CHAF1B: variants seen among roughly 807,000 people sequenced by gnomAD.
The protein encoded by CHAF1B is CAF-1 subunit B.
Under a neutral mutation model 60.7 loss-of-function variants are expected in CHAF1B, and 10 were observed. The ratio of observed to expected loss-of-function variants is 0.16; its 90% confidence interval spans 0.10 to 0.28. The LOEUF is 0.28. CHAF1B is among the 10% of genes least tolerant of loss of function. CHAF1B has a pLI of 1.00. For synonymous variants in CHAF1B, 261 were observed against 266.1 expected (o/e 0.98, Z 0.19); for missense variants, 558 against 708.4 (o/e 0.79, Z 2.41).
At chr21:36,411,405 CA>C in intron 10 of CHAF1B, 57 bp from the exon 11 acceptor site, 1 of 1,603,216 alleles carries the variant, frequency 6.2e-7, no homozygotes. Context: ...TGAGCCATTG[CA>C]CCTGGTCAGA....
intron 8 of CHAF1B, among the ~76,000 whole-genome samples, chr21:36,403,649 A>C (rs577637670): frequency 6.6e-6 from 1 of 152,292 alleles, no homozygotes; most frequent in South Asian, 2.1e-4. Flanking sequence ...TGGAAGCAGC[A>C]GTGGTCAAAA....
At chr21:36,409,487 T>G (rs913355853) in intron 10 of CHAF1B, 22 bp downstream of exon 10, 9 of 1,579,998 alleles carry the variant, frequency 5.7e-6, no homozygotes, top group Non-Finnish European at 7.8e-6. Flanking sequence ...GCCTCAGGGG[T>G]GTGTTATGTT....
At chr21:36,399,381 CCA>C (rs1280182169) in intron 6 of CHAF1B, 138 bp from the exon 7 acceptor site, 2 of 687,440 alleles carry the variant, frequency 2.9e-6, no homozygotes, top group African/African-American at 3.6e-5. Flanking sequence ...TCTTAATTAC[CCA>C]GTTGTGAATA....
rs1042344464 is a variant in CHAF1B at position 36,396,444 on chromosome 21, C to T, written c.482-971C>T. On this transcript the variant is annotated intron_variant, in intron 5 of 13. Transcript: ENST00000314103. ...ATCCCAGCACTTTGGGAGGATTGCT[C>T]AAGCCTAGGAATTCAAGACCAGCAT... is the stretch of plus-strand genomic sequence containing the variant. Among the ~76,000 whole-genome samples, 4 of 148,258 alleles carry T rather than the reference C, an allele frequency of 2.7e-5. No homozygotes were observed. The South Asian group carries it at 8.6e-4, about 32-fold the overall frequency.
intron 11 of CHAF1B, 40 bp downstream of exon 11, chr21:36,411,644 C>T (rs370748276): frequency 9.3e-6 from 15 of 1,608,874 alleles, no homozygotes; most frequent in South Asian, 3.3e-5. Context: ...TGAAGGAGAC[C>T]GTGGCTGTAT....
chr21:36,399,117 C>T (rs1038181858), intron 6 of CHAF1B, among the ~76,000 whole-genome samples: 2 of 151,708 alleles, frequency 1.3e-5, no homozygotes, highest in African/African-American at 2.4e-5. Flanking sequence ...GCACTGCAAC[C>T]TCTGCCTCCC....
Position 36,413,060 on chromosome 21 carries a change from C to T in CHAF1B, c.1238C>T (p.Pro413Leu), listed in dbSNP as rs1487303315. 8.7e-6 allele frequency: 14 copies of T among 1,614,008 alleles called. No homozygotes were observed. The highest frequency in any genetic ancestry group is 1.2e-5 in the Non-Finnish European group (14 of 1,180,038). Reference sequence around the variant, plus strand: ...ACACATCGAGGGTCTTCGCCAGGACCCAGACCGGTAGAGGGAACCCCTGCC... The same window carrying T: ...ACACATCGAGGGTCTTCGCCAGGACTCAGACCGGTAGAGGGAACCCCTGCC... ...SQTHRGSSPG[P>L]RPVEGTPASR... Residue 413 changes from proline to leucine, a missense_variant, in exon 12 of 14, where the codon CCC becomes CTC. By Grantham distance (98) the Pro-to-Leu change is moderately conservative (BLOSUM62 -3). Transcript: ENST00000314103.
At chr21:36,396,607 C>T (rs1175267454) in intron 5 of CHAF1B, among the ~76,000 whole-genome samples, 3 of 150,214 alleles carry the variant, frequency 2.0e-5, no homozygotes, top group South Asian at 2.1e-4. Context: ...TGAGCTCTGA[C>T]GGCGCCACTG....
Position 36,409,248 on chromosome 21 carries a change from GCCT to G in CHAF1B, c.828-117_828-115del, listed in dbSNP as rs558570635. ...ACTCCTGACCTCAGGTGATCCGCCT[GCCT>G]CCTCCTCCCAAAGTGCTGGGTTTAT... is the stretch of plus-strand genomic sequence containing the variant. On this transcript the variant is annotated intron_variant, in intron 9 of 13. Transcript: ENST00000314103. 687 of 620,828 alleles carry G rather than the reference GCCT, an allele frequency of 1.1e-3. 2 individuals are homozygous for G. The African/African-American group carries it at 0.012, about 11-fold the overall frequency. 38.5% of individuals were successfully genotyped at this position (620,828 alleles called of 1,614,324 possible). A position where few individuals can be genotyped will look rare whatever the true frequency, so the allele number is the denominator to read the frequency against.
chr21:36,403,408 G>A (rs1308627538), intron 8 of CHAF1B, among the ~76,000 whole-genome samples: 2 of 124,806 alleles, frequency 1.6e-5, no homozygotes, highest in African/African-American at 3.0e-5. Flanking sequence ...AGTGAGCCGA[G>A]ATCACACCAC....
At position 36,390,053 on chromosome 21, in the gene CHAF1B, G is replaced by C. The variant is rs559255958; in HGVS notation, c.260-1498G>C. On this transcript the variant is annotated intron_variant, in intron 3 of 13. Coordinates refer to ENST00000314103, the MANE Select transcript of CHAF1B (RefSeq NM_005441.3). Reference sequence around the variant, plus strand: ...CGGTTAACTTAGCATGGGAATGCAGGCTGGGTGCGGTGGCTCACGCCTGTA... The same window carrying C: ...CGGTTAACTTAGCATGGGAATGCAGCCTGGGTGCGGTGGCTCACGCCTGTA... 5.3e-5 allele frequency among the ~76,000 whole-genome samples: 8 copies of C among 152,096 alleles called. No individual in the cohort carries two copies. The East Asian group carries it at 1.5e-3, about 29-fold the overall frequency.
intron 8 of CHAF1B, among the ~76,000 whole-genome samples, chr21:36,403,147 G>A (rs1299083169): frequency 1.3e-5 from 2 of 151,922 alleles, no homozygotes; most frequent in African/African-American, 4.8e-5. Flanking sequence ...AAAATGATAG[G>A]CATTTTCTCT....
At chr21:36,414,878 G>T (rs1312566503) in intron 12 of CHAF1B, among the ~76,000 whole-genome samples, 2 of 152,190 alleles carry the variant, frequency 1.3e-5, no homozygotes, top group Non-Finnish European at 2.9e-5. Context: ...CCGCCAAAGT[G>T]CTGGGATTAC....
At chr21:36,395,793 T>C (rs968508333) in intron 5 of CHAF1B, among the ~76,000 whole-genome samples, 3 of 152,210 alleles carry the variant, frequency 2.0e-5, no homozygotes, top group Non-Finnish European at 4.4e-5. Flanking sequence ...TTTTATCCCC[T>C]GCCATCCTTT....
chr21:36,389,800 T>TGTGTGTGTGTGCGCGCGCGCGCGC, intron 3 of CHAF1B, among the ~76,000 whole-genome samples: 8 of 124,800 alleles, frequency 6.4e-5, no homozygotes, highest in African/African-American at 2.1e-4. Flanking sequence ...TGTGTGTGTG[T>TGTGTGTGTGTGCGCGCGCGCGCGC]GCGCGCGCAC....
chr21:36,408,442 A>G (rs2086253688), intron 8 of CHAF1B, among the ~76,000 whole-genome samples: 1 of 152,216 alleles, frequency 6.6e-6, no homozygotes, highest in South Asian at 2.1e-4. Flanking sequence ...CGGTGCTTCA[A>G]TCGAGGAATT....
At chr21:36,403,551 G>A (rs11088346) in intron 8 of CHAF1B, among the ~76,000 whole-genome samples, 9,889 of 150,764 alleles carry the variant, frequency 0.066, 460 homozygotes, top group Non-Finnish European at 0.099. Context: ...AAGCCATAGC[G>A]CTAAAGCCAA....
At chr21:36,403,265 C>G (rs1421146430) in intron 8 of CHAF1B, among the ~76,000 whole-genome samples, 2 of 151,668 alleles carry the variant, frequency 1.3e-5, no homozygotes, top group African/African-American at 4.8e-5. Context: ...CATGACCAGC[C>G]TGGCCAACAT....
At chr21:36,406,150 A>G (rs1306875431) in intron 8 of CHAF1B, among the ~76,000 whole-genome samples, 1 of 152,190 alleles carries the variant, frequency 6.6e-6, no homozygotes, top group Non-Finnish European at 1.5e-5. Flanking sequence ...GTGCTGTTCC[A>G]GTGGAAAAAA....
Sources: allele counts gnomAD v4.1 joint callset (sites outside exome capture counted in the v4.1 genomes callset), GRCh38; gene constraint gnomAD v4.1.1; transcripts MANE v1.5; gene names NCBI Gene and HGNC (gene_info 2026-07-23, HGNC 2026-07-21).